The following MSANTD7 variants were observed in gnomAD, a reference collection of about 807,000 sequenced individuals.
MSANTD7 encodes the protein Myb/SANT DNA binding domain containing 7, also known as zinc finger and SCAN domain containing 29.
chr10:14,844,273 A>G, the MSANTD7 span: 9 of 1,080,856 alleles, frequency 8.3e-6, no homozygotes, highest in Non-Finnish European at 9.1e-6. Flanking sequence ...TAGTTCATAG[A>G]TGTGAAAGGG....
At chr10:14,846,062 T>C in the MSANTD7 span, 2 of 973,864 alleles carry the variant, frequency 2.1e-6, no homozygotes, top group African/African-American at 3.5e-5. Flanking sequence ...TAGCATTCTG[T>C]GGTATTAATA....
At chr10:14,843,254 G>A in the MSANTD7 span, 7 of 1,299,108 alleles carry the variant, frequency 5.4e-6, no homozygotes, top group South Asian at 8.1e-5. Context: ...GTCCCTGGTG[G>A]AAAGAGGCTT....
chr10:14,846,115 T>C, the MSANTD7 span: 1 of 982,854 alleles, frequency 1.0e-6, no homozygotes, highest in Non-Finnish European at 1.2e-6. Flanking sequence ...ACACCAGACA[T>C]ATAGACTCTT....
At chr10:14,838,344 C>G in the MSANTD7 span, 1 of 1,519,330 alleles carries the variant, frequency 6.6e-7, no homozygotes, top group Non-Finnish European at 8.9e-7. Context: ...GTTGGGCGGC[C>G]GGTAGCTGTT....
chr10:14,840,061 A>T, the MSANTD7 span: 97 of 1,160,326 alleles, frequency 8.4e-5, no homozygotes, highest in Admixed American at 2.7e-4. Flanking sequence ...TATATATATT[A>T]TTTTTTTTTT....
the MSANTD7 span, chr10:14,844,717 A>G: frequency 5.2e-6 from 5 of 963,940 alleles, no homozygotes; most frequent in Non-Finnish European, 4.9e-6. Flanking sequence ...ATTTTATAAA[A>G]TATTAAATAT....
At chr10:14,838,365 G>T in the MSANTD7 span, 3 of 1,573,412 alleles carry the variant, frequency 1.9e-6, no homozygotes, top group Non-Finnish European at 2.6e-6. Context: ...GCTGTTGGGG[G>T]ACCCCCTCAT....
chr10:14,842,870 G>A, the MSANTD7 span: 1 of 1,469,758 alleles, frequency 6.8e-7, no homozygotes, highest in Non-Finnish European at 9.1e-7. This position sits in a 1 kb window ranked among gnomAD's most constrained non-coding sequence, Gnocchi z 5.2. Context: ...ATGTGAAGGA[G>A]TTGGGTCCCA....
chr10:14,843,220 G>T, the MSANTD7 span: 1 of 1,003,510 alleles, frequency 1.0e-6, no homozygotes, highest in East Asian at 2.6e-5. Flanking sequence ...CAATTGTCCA[G>T]ATTAAGGAAA....
the MSANTD7 span, chr10:14,846,601 C>A: frequency 1.0e-6 from 1 of 969,348 alleles, no homozygotes; most frequent in Non-Finnish European, 1.2e-6. Flanking sequence ...AAAAGCTTTT[C>A]CAGCATTCCA....
the MSANTD7 span, among the ~76,000 whole-genome samples, chr10:14,839,496 C>T: frequency 6.7e-6 from 1 of 149,380 alleles, no homozygotes; most frequent in Non-Finnish European, 1.5e-5. Flanking sequence ...ACCCGGGAGG[C>T]GGAAGTTGCA....
chr10:14,839,138 C>A, the MSANTD7 span, among the ~76,000 whole-genome samples: 200 of 152,316 alleles, frequency 1.3e-3, no homozygotes, highest in African/African-American at 4.6e-3. Flanking sequence ...GAGAGCCTGA[C>A]AGGACTTGTG....
chr10:14,839,800 A>G, the MSANTD7 span: 1 of 654,714 alleles, frequency 1.5e-6, no homozygotes, highest in East Asian at 2.9e-5. Context: ...AAATATTGAG[A>G]TAGCAGTTTT....
the MSANTD7 span, chr10:14,838,422 A>G: frequency 1.2e-6 from 2 of 1,605,858 alleles, no homozygotes; most frequent in Non-Finnish European, 1.7e-6. Flanking sequence ...ATCGGAGTTC[A>G]CCTGGGCTGC....
chr10:14,846,958 G>T, the MSANTD7 span: 1 of 985,162 alleles, frequency 1.0e-6, no homozygotes, highest in African/African-American at 1.7e-5. Flanking sequence ...TTTTCTGTTC[G>T]GTAATCCTGG....
the MSANTD7 span, among the ~76,000 whole-genome samples, chr10:14,838,764 G>A: frequency 6.6e-6 from 1 of 152,148 alleles, no homozygotes; most frequent in East Asian, 1.9e-4. Flanking sequence ...GTGCCCGGGG[G>A]GGTCCCGGAG....
the MSANTD7 span, chr10:14,843,877 T>A: frequency 6.5e-7 from 1 of 1,536,298 alleles, no homozygotes; most frequent in Admixed American, 2.0e-5. Context: ...GAGGTTGATT[T>A]CGAATACCAA....
chr10:14,841,336 C>T, the MSANTD7 span: 3 of 152,088 alleles, frequency 2.0e-5, no homozygotes, highest in Non-Finnish European at 4.4e-5. Flanking sequence ...AAAAAAGAAT[C>T]GTAGATGGGT....
the MSANTD7 span, chr10:14,843,399 C>G: frequency 6.4e-7 from 1 of 1,550,758 alleles, no homozygotes; most frequent in Admixed American, 2.0e-5. Flanking sequence ...CCAGCTACAG[C>G]AGCTCCCACA....
Sources: gnomAD v4.1 joint callset for allele counts (sites outside exome capture counted in the v4.1 genomes callset) on GRCh38, gnomAD v4.1.1 for gene constraint, Gnocchi (gnomAD v3.1) non-coding constraint, MANE v1.5 for transcripts, NCBI Gene and HGNC (gene_info 2026-07-23, HGNC 2026-07-21) for gene names.